FBXL17: variants seen among roughly 807,000 people sequenced by gnomAD.
FBXL17 encodes F-box and leucine rich repeat protein 17.
In FBXL17, 22 loss-of-function variants were observed where a neutral mutation model predicts 66.2. The ratio of observed to expected loss-of-function variants is 0.33; its 90% CI spans 0.24 to 0.47. FBXL17 has a LOEUF of 0.47. FBXL17 is among the 20% of genes least tolerant of loss of function. The pLI, the probability that FBXL17 is intolerant of heterozygous loss-of-function variation, is 1.00. For missense variants in FBXL17, 878 were observed against 948.2 expected, an observed-to-expected ratio of 0.93 and a Z score of 0.97; for synonymous variants, 474 against 400.5, an observed-to-expected ratio of 1.18 and a Z score of -2.19.
intron 4 of FBXL17, among the ~76,000 whole-genome samples, chr5:108,230,888 T>C (rs1188644732): frequency 1.3e-5 from 2 of 152,124 alleles, no homozygotes; most frequent in African/African-American, 4.8e-5. Context: ...CAAATCACTA[T>C]TAACGAACTT....
intron 6 of FBXL17, among the ~76,000 whole-genome samples, chr5:108,094,873 G>T (rs1464951921): frequency 7.5e-6 from 1 of 133,218 alleles, no homozygotes; most frequent in South Asian, 2.4e-4. Context: ...GAACAAGGAT[G>T]CAAAAAAAAA....
intron 7 of FBXL17, among the ~76,000 whole-genome samples, chr5:108,014,444 G>C: frequency 6.6e-6 from 1 of 152,232 alleles, no homozygotes; most frequent in African/African-American, 2.4e-5. Context: ...GACTAAATGT[G>C]AAGCTAGAGT....
intron 6 of FBXL17, among the ~76,000 whole-genome samples, chr5:108,072,398 C>G (rs762229912): frequency 2.6e-5 from 4 of 152,142 alleles, no homozygotes; most frequent in Non-Finnish European, 5.9e-5. Context: ...AGGGCACAAT[C>G]GACAGAAACG....
chr5:108,218,641 T>A (rs890501621), intron 5 of FBXL17, among the ~76,000 whole-genome samples: 8 of 152,186 alleles, frequency 5.3e-5, no homozygotes, highest in Non-Finnish European at 1.5e-5. Context: ...TAAGGTGATA[T>A]CTCATTGTGG....
At chr5:107,902,755 A>G (rs913730319) in intron 7 of FBXL17, among the ~76,000 whole-genome samples, 5 of 152,150 alleles carry the variant, frequency 3.3e-5, no homozygotes, top group Non-Finnish European at 7.4e-5. Context: ...ATGGAAATTT[A>G]AAAACAAAAG....
chr5:108,086,436 G>C (rs1042068606), intron 6 of FBXL17, among the ~76,000 whole-genome samples: 1 of 152,164 alleles, frequency 6.6e-6, no homozygotes, highest in Admixed American at 6.5e-5. Flanking sequence ...AAAATAGACA[G>C]TTTTCCCTGG....
Position 107,873,945 on chromosome 5 carries a change from ACAGAGGC to A in FBXL17, c.1965+7085_1965+7091del, listed in dbSNP as rs199734148. 1.2e-3 allele frequency among the ~76,000 whole-genome samples: 185 copies of A among 152,228 alleles called. 4 individuals are homozygous for A. The East Asian group carries it at 0.029, about 24-fold the overall frequency. On this transcript the variant is annotated intron_variant, in intron 8 of 8. Coordinates refer to ENST00000542267, the MANE Select transcript of FBXL17 (RefSeq NM_001163315.3). ...AATTTCACTATCCATCAATCCCATAACAGAGGCCAGCAAAACATAAGCAGCTACTTGC... is the reference window on the plus strand; with the variant it reads ...AATTTCACTATCCATCAATCCCATAACAGCAAAACATAAGCAGCTACTTGC...
chr5:108,251,242 C>T (rs572717974), intron 4 of FBXL17, among the ~76,000 whole-genome samples: 1 of 151,958 alleles, frequency 6.6e-6, no homozygotes, highest in African/African-American at 2.4e-5. Context: ...CCTGCCATCA[C>T]CAGAAATTAT....
chr5:108,272,683 C>T (rs1023895229), intron 4 of FBXL17, among the ~76,000 whole-genome samples: 2 of 152,032 alleles, frequency 1.3e-5, no homozygotes, highest in Non-Finnish European at 2.9e-5. Flanking sequence ...ATAAATGATC[C>T]CGCATTTTCC....
chr5:108,243,745 C>G (rs748312659), intron 4 of FBXL17, among the ~76,000 whole-genome samples: 23 of 152,122 alleles, frequency 1.5e-4, no homozygotes, highest in Non-Finnish European at 2.8e-4. Context: ...TTACTGAAGG[C>G]TAAATTAAAT....
At chr5:108,092,149 C>G (rs1749210309) in intron 6 of FBXL17, among the ~76,000 whole-genome samples, 1 of 152,146 alleles carries the variant, frequency 6.6e-6, no homozygotes, top group African/African-American at 2.4e-5. Context: ...AATTAAAGAT[C>G]AGAGAAGCTC....
At chr5:108,362,584 A>G (rs1748412740) in intron 3 of FBXL17, among the ~76,000 whole-genome samples, 1 of 152,126 alleles carries the variant, frequency 6.6e-6, no homozygotes, top group African/African-American at 2.4e-5. Context: ...AAAAATATAA[A>G]TATTTCAGGG....
intron 7 of FBXL17, among the ~76,000 whole-genome samples, chr5:107,993,731 C>A (rs974505710): frequency 6.6e-6 from 1 of 152,294 alleles, no homozygotes; most frequent in Admixed American, 6.5e-5. Context: ...CACATTTTAT[C>A]ATTTTTCAGG....
intron 6 of FBXL17, among the ~76,000 whole-genome samples, chr5:108,142,485 A>C (rs1041594605): frequency 7.2e-5 from 11 of 152,184 alleles, no homozygotes; most frequent in African/African-American, 2.7e-4. Flanking sequence ...TCTTAAATCA[A>C]CTCAAAGCAG....
chr5:108,352,121 G>A (rs1274377386), intron 3 of FBXL17, among the ~76,000 whole-genome samples: 1 of 152,218 alleles, frequency 6.6e-6, no homozygotes, highest in Non-Finnish European at 1.5e-5. Flanking sequence ...GTGCCTCACA[G>A]GAGAAGCTAT....
At chr5:108,021,547 A>G (rs1754602979) in intron 6 of FBXL17, among the ~76,000 whole-genome samples, 1 of 151,834 alleles carries the variant, frequency 6.6e-6, no homozygotes, top group African/African-American at 2.4e-5. Flanking sequence ...ACTTTAAAGT[A>G]TCTTATTCTT....
chr5:107,940,927 T>C (rs1751071765), intron 7 of FBXL17, among the ~76,000 whole-genome samples: 1 of 152,160 alleles, frequency 6.6e-6, no homozygotes, highest in South Asian at 2.1e-4. Flanking sequence ...GAGGTTCCCA[T>C]GTAATTCAAA....
chr5:108,009,371 T>C (rs1290714434), intron 7 of FBXL17, among the ~76,000 whole-genome samples: 2 of 145,422 alleles, frequency 1.4e-5, no homozygotes, highest in Non-Finnish European at 3.0e-5. Context: ...AAAAGTACCA[T>C]AACTTCCTGA....
At chr5:108,353,806 T>G (rs1747792584) in intron 3 of FBXL17, among the ~76,000 whole-genome samples, 1 of 152,128 alleles carries the variant, frequency 6.6e-6, no homozygotes, top group Non-Finnish European at 1.5e-5. Flanking sequence ...GGCACAGACT[T>G]GCCAAAATAT....
Sources: allele counts gnomAD v4.1 joint callset (sites outside exome capture counted in the v4.1 genomes callset), GRCh38; gene constraint gnomAD v4.1.1; transcripts MANE v1.5; gene names NCBI Gene and HGNC (gene_info 2026-07-23, HGNC 2026-07-21).